Variants in MELK observed in about 807,000 individuals in gnomAD.
MELK encodes the protein maternal embryonic leucine zipper kinase, also known as pEg3 kinase.
In MELK, 81 loss-of-function variants were observed where a neutral mutation model predicts 85.0. That is an observed-to-expected ratio of 0.95 (90% CI 0.80 to 1.15). The LOEUF (loss-of-function observed/expected upper bound fraction) is 1.15, where lower values mean the gene tolerates loss of function less well. Among genes scored for constraint, MELK ranks in the 50% most tolerant of loss-of-function variants. The pLI is 0.00. For synonymous variants in MELK, 252 were observed against 265.0 expected, an observed-to-expected ratio of 0.95 and a Z score of 0.48; for missense variants, 754 against 777.5, an observed-to-expected ratio of 0.97 and a Z score of 0.36.
chr9:36,642,446 T>G (rs977302690), intron 10 of MELK, among the ~76,000 whole-genome samples: 5 of 133,236 alleles, frequency 3.8e-5, no homozygotes, highest in African/African-American at 6.3e-5. Flanking sequence ...TTTTTTTTTT[T>G]GAGACAGAGT....
chr9:36,621,428 A>G (rs1827438434), intron 8 of MELK, among the ~76,000 whole-genome samples: 2 of 142,984 alleles, frequency 1.4e-5, no homozygotes, highest in African/African-American at 5.7e-5. Context: ...AAAGATAAGT[A>G]ACTGTTATTT....
chr9:36,588,627 C>T (rs1478894403), intron 3 of MELK, among the ~76,000 whole-genome samples: 1 of 152,124 alleles, frequency 6.6e-6, no homozygotes, highest in Non-Finnish European at 1.5e-5. Context: ...AGTCCGCCCA[C>T]CTTAGCCTCC....
In MELK at chr9:36,594,776, GTGACTGCATCACAGT is replaced by G; in HGVS notation, c.405+7_405+21del. The G allele has an allele frequency of 6.2e-7, 1 of 1,611,986 alleles. No homozygotes were observed. The highest frequency in any genetic ancestry group is 1.7e-5 in the Admixed American group (1 of 59,610). On this transcript the variant is annotated splice_donor_region_variant and intron_variant, in intron 5 of 17. Transcript: ENST00000298048. Reference sequence around the variant, plus strand: ...GCTCACAGGGACCTCAAGCCAGTAAGTGACTGCATCACAGTTAGATGCTCACCTTCAGCGTCATTT... The same window carrying G: ...GCTCACAGGGACCTCAAGCCAGTAAGTAGATGCTCACCTTCAGCGTCATTT...
chr9:36,589,162 T>G (rs1823263804), intron 3 of MELK, among the ~76,000 whole-genome samples: 1 of 152,142 alleles, frequency 6.6e-6, no homozygotes, highest in Non-Finnish European at 1.5e-5. Context: ...GTATTTTTTT[T>G]TTTTGAAACA....
intron 1 of MELK, among the ~76,000 whole-genome samples, chr9:36,573,882 A>G (rs1322751729): frequency 2.0e-5 from 3 of 152,088 alleles, no homozygotes; most frequent in African/African-American, 7.2e-5. Flanking sequence ...AACCTGGTGT[A>G]GGGTTGTGGG....
intron 17 of MELK, among the ~76,000 whole-genome samples, chr9:36,675,916 T>C (rs930141256): frequency 1.3e-5 from 2 of 152,226 alleles, no homozygotes; most frequent in African/African-American, 4.8e-5. Context: ...AATTTTTAGT[T>C]TTTAGTTATC....
At position 36,589,564 on chromosome 9, in the gene MELK, T is replaced by C; in HGVS notation, c.173T>C (p.Ile58Thr). 1.2e-6 allele frequency: 2 copies of C among 1,613,958 alleles called. No individual in the cohort carries two copies. The highest frequency in any genetic ancestry group is 1.3e-5 in the African/African-American group (1 of 75,028). The part of the protein sequence containing the change: ...GSDLPRIKTE[I>T]EALKNLRHQH... ...GATTTGCCCCGGATCAAAACGGAGA[T>C]TGAGGCCTTGAAGAACCTGAGACAT... Residue 58 changes from isoleucine (I) to threonine (T), a missense_variant, in exon 4 of 18, where the codon ATT becomes ACT. Transcript: ENST00000298048.
At chr9:36,599,569 G>C (rs772470365) in intron 7 of MELK, 83 bp downstream of exon 7, 3 of 900,374 alleles carry the variant, frequency 3.3e-6, no homozygotes, top group Non-Finnish European at 3.5e-6. Flanking sequence ...CTGTGCGTTG[G>C]GGGTATAATG....
At chr9:36,677,008 C>A in intron 17 of MELK, 152 bp from the exon 18 acceptor site, 1 of 582,246 alleles carries the variant, frequency 1.7e-6, no homozygotes, top group Non-Finnish European at 2.8e-6. Context: ...ATTACTAAAG[C>A]ATAGCTAGGT....
chr9:36,591,941 A>C (rs1057440516), intron 4 of MELK, among the ~76,000 whole-genome samples: 1 of 151,896 alleles, frequency 6.6e-6, no homozygotes, highest in African/African-American at 2.4e-5. Flanking sequence ...AAAAAGGTAC[A>C]GGGAGTATAT....
intron 8 of MELK, among the ~76,000 whole-genome samples, chr9:36,621,292 A>AAAAAAAAAAAC (rs1296265967): frequency 9.5e-6 from 1 of 105,616 alleles, no homozygotes; most frequent in African/African-American, 4.7e-5. Context: ...AAAAAAAAAA[A>AAAAAAAAAAAC]AAAAAAAAAA....
rs762498744 is a variant in MELK, at chr9:36,677,241, A to C, written c.1860A>C (p.Lys620Asn). The stretch of plus-strand genomic sequence containing the variant: ...AATTAGAAGTGTGCCAGCTTCAAAA[A>C]CCCGATGTGGTGGGTATCAGGAGGC... The part of the protein sequence containing the change: ...QFELEVCQLQ[K>N]PDVVGIRRQR... The change falls in exon 18 of 18, where the codon AAA becomes AAC. Residue 620 changes from lysine to asparagine, a missense_variant. Coordinates refer to ENST00000298048, the MANE Select transcript of MELK (RefSeq NM_014791.4). 2 of 1,614,084 alleles carry C rather than the reference A, an allele frequency of 1.2e-6. No homozygotes were observed. Among genetic ancestry groups the C allele is most frequent in the South Asian group, 1.1e-5 (1 of 91,056 alleles).
At chr9:36,652,698 C>A (rs899699852) in intron 12 of MELK, among the ~76,000 whole-genome samples, 9 of 146,522 alleles carry the variant, frequency 6.1e-5, no homozygotes, top group Non-Finnish European at 1.0e-4. Context: ...CCATTGCACT[C>A]CAGCCTGGGC....
intron 13 of MELK, among the ~76,000 whole-genome samples, 168 bp downstream of exon 13, chr9:36,657,531 C>G (rs1157606159): frequency 1.3e-5 from 2 of 152,170 alleles, no homozygotes; most frequent in East Asian, 3.9e-4. Context: ...TCAATTATAT[C>G]CAAGTTGAAG....
chr9:36,587,295 G>A (rs1823014793), intron 3 of MELK, among the ~76,000 whole-genome samples: 1 of 151,580 alleles, frequency 6.6e-6, no homozygotes, highest in Admixed American at 6.6e-5. Flanking sequence ...TGAGACACTG[G>A]CCATTAAGAC....
chr9:36,668,185 A>G (rs551366497), intron 14 of MELK, among the ~76,000 whole-genome samples: 16 of 152,348 alleles, frequency 1.1e-4, no homozygotes, highest in African/African-American at 3.4e-4. Context: ...GTATGGTGAT[A>G]GATACTGTCT....
chr9:36,673,804 A>AT (rs1833103617), intron 16 of MELK, among the ~76,000 whole-genome samples: 1 of 152,218 alleles, frequency 6.6e-6, no homozygotes, highest in Non-Finnish European at 1.5e-5. Context: ...AATCAAGATA[A>AT]TTTTTTAAAA....
At chr9:36,592,148 C>T (rs918555600) in intron 4 of MELK, among the ~76,000 whole-genome samples, 14 of 151,538 alleles carry the variant, frequency 9.2e-5, no homozygotes, top group African/African-American at 3.2e-4. Context: ...AACTATGCCC[C>T]ACCCTAGTCA....
Position 36,589,558 on chromosome 9 carries a change from C to CGT in MELK, c.168_169insTG (p.Glu57TrpfsTer6). ...CAGAGTGATTTGCCCCGGATCAAAA[C>CGT]GGAGATTGAGGCCTTGAAGAACCTG... On this transcript the variant is annotated frameshift_variant, in exon 4 of 18. Coordinates refer to ENST00000298048, the MANE Select transcript of MELK (RefSeq NM_014791.4). LOFTEE classifies it high-confidence loss of function. 1.2e-6 allele frequency: 2 copies of CGT among 1,613,800 alleles called. No homozygotes were observed. Among genetic ancestry groups the CGT allele is most frequent in the Non-Finnish European group, 8.5e-7 (1 of 1,179,778 alleles).
Sources: allele counts gnomAD v4.1 joint callset (sites outside exome capture counted in the v4.1 genomes callset), GRCh38; gene constraint gnomAD v4.1.1; transcripts MANE v1.5; gene names NCBI Gene and HGNC (gene_info 2026-07-23, HGNC 2026-07-21).